FSTL5: variants seen among roughly 807,000 people sequenced by gnomAD.
FSTL5 encodes the protein follistatin-related protein 5.
In FSTL5, 62 loss-of-function variants were observed where a neutral mutation model predicts 89.1. That is an observed-to-expected ratio of 0.70 (90% confidence interval 0.57 to 0.86). The LOEUF is 0.86. FSTL5 is among the 40% of genes least tolerant of loss of function. The pLI is 0.00. For missense variants in FSTL5, 1,057 were observed against 1,001.6 expected (o/e 1.06, Z -0.75); for synonymous variants, 383 against 346.2 (o/e 1.11, Z -1.18).
chr4:161,590,363 A>AC (rs762337636), intron 7 of FSTL5, among the ~76,000 whole-genome samples: 3 of 151,924 alleles, frequency 2.0e-5, no homozygotes, highest in Non-Finnish European at 4.4e-5. Flanking sequence ...ACATGAGGAA[A>AC]CCCCGTCTCT....
intron 6 of FSTL5, among the ~76,000 whole-genome samples, chr4:161,713,317 G>A (rs989786769): frequency 6.6e-6 from 1 of 152,180 alleles, no homozygotes; most frequent in Non-Finnish European, 1.5e-5. Flanking sequence ...ATAAACAATG[G>A]AGGTGTCTAG....
intron 4 of FSTL5, among the ~76,000 whole-genome samples, chr4:161,836,849 T>C (rs1293158952): frequency 6.6e-6 from 1 of 152,096 alleles, no homozygotes; most frequent in East Asian, 1.9e-4. Context: ...TTTTTCAAAA[T>C]CTGGACTATT....
At chr4:161,613,054 G>A (rs920061539) in intron 7 of FSTL5, among the ~76,000 whole-genome samples, 2 of 152,082 alleles carry the variant, frequency 1.3e-5, no homozygotes, top group African/African-American at 4.8e-5. Context: ...TCAGAGGGTG[G>A]CTAATATGTA....
At chr4:161,901,795 C>G (rs1157619268) in intron 4 of FSTL5, among the ~76,000 whole-genome samples, 1 of 151,948 alleles carries the variant, frequency 6.6e-6, no homozygotes, top group Non-Finnish European at 1.5e-5. Flanking sequence ...ATTAGCCGGG[C>G]GTGGTGGGGT....
intron 4 of FSTL5, among the ~76,000 whole-genome samples, chr4:161,908,767 A>G (rs1344632312): frequency 6.6e-6 from 1 of 152,124 alleles, no homozygotes; most frequent in East Asian, 1.9e-4. Flanking sequence ...CATTTGCCAA[A>G]GTTTAACCAC....
At chr4:161,646,123 A>G (rs2126673205) in intron 7 of FSTL5, among the ~76,000 whole-genome samples, 1 of 148,948 alleles carries the variant, frequency 6.7e-6, no homozygotes, top group Non-Finnish European at 1.5e-5. Flanking sequence ...AGCAATGAAT[A>G]GCCTAAGGGG....
intron 8 of FSTL5, among the ~76,000 whole-genome samples, chr4:161,555,153 T>A (rs1232947739): frequency 6.6e-6 from 1 of 151,584 alleles, no homozygotes; most frequent in Non-Finnish European, 1.5e-5. Context: ...GTTTTTTTAA[T>A]TGGGTCTTCC....
chr4:161,446,209 A>G (rs1732940625), intron 15 of FSTL5, among the ~76,000 whole-genome samples: 1 of 152,026 alleles, frequency 6.6e-6, no homozygotes, highest in African/African-American at 2.4e-5. Context: ...CACAGCCACC[A>G]TCACTAATTT....
intron 4 of FSTL5, among the ~76,000 whole-genome samples, chr4:161,897,065 A>G (rs1024075692): frequency 6.6e-5 from 10 of 151,852 alleles, no homozygotes; most frequent in African/African-American, 2.2e-4. Context: ...CAGCCTCCCA[A>G]GTAGTTGAGG....
At chr4:161,930,303 G>C (rs568499383) in intron 3 of FSTL5, among the ~76,000 whole-genome samples, 13 of 151,724 alleles carry the variant, frequency 8.6e-5, no homozygotes, top group Non-Finnish European at 1.8e-4. Context: ...AATCTAAATA[G>C]AGTCAATGAT....
intron 1 of FSTL5, among the ~76,000 whole-genome samples, chr4:162,128,218 A>C (rs553252812): frequency 6.6e-6 from 1 of 152,336 alleles, no homozygotes; most frequent in African/African-American, 2.4e-5. Context: ...GTATTTTTAC[A>C]TATTTGTAGA....
intron 7 of FSTL5, among the ~76,000 whole-genome samples, chr4:161,650,698 T>G (rs1736308135): frequency 6.6e-6 from 1 of 152,174 alleles, no homozygotes; most frequent in Non-Finnish European, 1.5e-5. Context: ...AGTTTAAATT[T>G]ATTTTATAAA....
At chr4:161,575,188 T>C (rs1175975948) in intron 8 of FSTL5, among the ~76,000 whole-genome samples, 1 of 152,168 alleles carries the variant, frequency 6.6e-6, no homozygotes, top group Admixed American at 6.5e-5. Context: ...CACTTTTTGA[T>C]GGAGTTGTTT....
chr4:161,763,337 G>A (rs1740874191), intron 5 of FSTL5, among the ~76,000 whole-genome samples: 1 of 152,128 alleles, frequency 6.6e-6, no homozygotes, highest in Admixed American at 6.6e-5. Context: ...AAATAAAAAT[G>A]AGAAGAAAAA....
chr4:161,866,085 AC>A lies in FSTL5; in HGVS notation c.409+54318del, dbSNP rs552315550. On this transcript the variant is annotated intron_variant, in intron 4 of 15. Coordinates refer to ENST00000306100, the MANE Select transcript of FSTL5 (RefSeq NM_020116.5). ...AGGATTTACTTCTAGCTCACATCTT[AC>A]CTGGAAGGTATTTTAGGAGTTGTTA... 4.5e-3 allele frequency among the ~76,000 whole-genome samples: 689 copies of A among 152,318 alleles called. 4 individuals are homozygous for A. Among genetic ancestry groups the A allele is most frequent in the African/African-American group, 0.016 (654 of 41,584 alleles).
At chr4:162,079,795 T>C (rs1384318682) in intron 2 of FSTL5, among the ~76,000 whole-genome samples, 1 of 151,266 alleles carries the variant, frequency 6.6e-6, no homozygotes, top group Non-Finnish European at 1.5e-5. Context: ...CACATCAAAC[T>C]GGAAAGAGCT....
chr4:161,919,834 A>C (rs1384000825), intron 4 of FSTL5, among the ~76,000 whole-genome samples: 3 of 151,356 alleles, frequency 2.0e-5, no homozygotes, highest in African/African-American at 7.3e-5. Context: ...TTTCTAAACC[A>C]ATGATTTTCA....
At chr4:162,152,967 T>G (rs554164759) in intron 1 of FSTL5, among the ~76,000 whole-genome samples, 49 of 152,202 alleles carry the variant, frequency 3.2e-4, no homozygotes, top group African/African-American at 1.1e-3. Flanking sequence ...AAGTAATTAC[T>G]TTTTTCATGA....
chr4:161,561,161 T>C (rs912871819), intron 8 of FSTL5, among the ~76,000 whole-genome samples: 2 of 151,698 alleles, frequency 1.3e-5, no homozygotes, highest in Non-Finnish European at 2.9e-5. Context: ...TTGACAGAAA[T>C]GTTGTTGTGC....
Sources: gnomAD v4.1 joint callset for allele counts (sites outside exome capture counted in the v4.1 genomes callset) on GRCh38, gnomAD v4.1.1 for gene constraint, MANE v1.5 for transcripts, NCBI Gene and HGNC (gene_info 2026-07-23, HGNC 2026-07-21) for gene names.